CDC73: variants seen among roughly 807,000 people sequenced by gnomAD.
CDC73 encodes cell division cycle 73.
CDC73 carries 21 observed loss-of-function variants against 83.7 expected under a neutral mutation model. That is an observed-to-expected ratio of 0.25 (90% CI 0.18 to 0.36). The LOEUF (loss-of-function observed/expected upper bound fraction) is 0.36, where lower values mean the gene tolerates loss of function less well. Ranked by LOEUF, CDC73 falls within the 10% of genes least tolerant of loss-of-function variation. The pLI is 1.00. For missense variants in CDC73, 342 were observed against 653.3 expected, an observed-to-expected ratio of 0.52 and a Z score of 5.19; for synonymous variants, 224 against 212.9, an observed-to-expected ratio of 1.05 and a Z score of -0.45.
chr1:193,187,548 T>C (rs918357568), intron 10 of CDC73, among the ~76,000 whole-genome samples: 1 of 152,176 alleles, frequency 6.6e-6, no homozygotes. Context: ...TTTTTTGTTG[T>C]AGTAAAAAGC....
intron 3 of CDC73, among the ~76,000 whole-genome samples, chr1:193,131,138 C>G (rs1675686249): frequency 6.6e-6 from 1 of 152,048 alleles, no homozygotes. Flanking sequence ...CAACATGTTT[C>G]CTTGAATGTT....
chr1:193,162,297 T>C (rs1179885545), intron 10 of CDC73, among the ~76,000 whole-genome samples: 1 of 127,516 alleles, frequency 7.8e-6, no homozygotes, highest in African/African-American at 3.1e-5. Context: ...TGATATATTA[T>C]ATATACTATA....
chr1:193,241,493 G>T (rs550796082), intron 15 of CDC73, among the ~76,000 whole-genome samples: 1 of 152,360 alleles, frequency 6.6e-6, no homozygotes, highest in East Asian at 1.9e-4. Context: ...AGTGGCAGTG[G>T]TGAGCCTGGA....
At chr1:193,166,602 TGTAG>T (rs1440804692) in intron 10 of CDC73, among the ~76,000 whole-genome samples, 1 of 152,132 alleles carries the variant, frequency 6.6e-6, no homozygotes, top group Non-Finnish European at 1.5e-5. Context: ...ACGGAAATTA[TGTAG>T]GTGCTTATGT....
chr1:193,139,066 G>T (rs972678489), intron 6 of CDC73, among the ~76,000 whole-genome samples: 1 of 151,930 alleles, frequency 6.6e-6, no homozygotes, highest in African/African-American at 2.4e-5. Flanking sequence ...GAGCCACCGC[G>T]CCTGGCTGAA....
chr1:193,228,678 T>A lies in CDC73; in HGVS notation c.1155-4315T>A, dbSNP rs1162751507. ...CACCATACACAAACATTTTTTAAGGTAGATTGTACACACAAACTTAAAAGC... is the reference window on the plus strand; with the variant it reads ...CACCATACACAAACATTTTTTAAGGAAGATTGTACACACAAACTTAAAAGC... On this transcript the variant is annotated intron_variant, in intron 13 of 16. Transcript: ENST00000367435. Among the ~76,000 whole-genome samples the A allele has an allele frequency of 2.0e-5, 3 of 152,156 alleles. No individual in the cohort carries two copies. The East Asian group carries it at 5.8e-4, about 29-fold the overall frequency.
intron 15 of CDC73, among the ~76,000 whole-genome samples, chr1:193,244,728 A>G (rs1000442871): frequency 6.6e-6 from 1 of 152,108 alleles, no homozygotes; most frequent in African/African-American, 2.4e-5. Context: ...TGTTTTTTCA[A>G]TTACCTGCTT....
intron 10 of CDC73, among the ~76,000 whole-genome samples, chr1:193,158,487 C>A (rs1253863122): frequency 7.2e-6 from 1 of 138,386 alleles, no homozygotes; most frequent in Non-Finnish European, 1.6e-5. Context: ...AGCAGCGAGA[C>A]CCTGTCTCTA....
chr1:193,238,738 TAAAG>T (rs1469949315), intron 15 of CDC73, among the ~76,000 whole-genome samples: 7 of 152,150 alleles, frequency 4.6e-5, no homozygotes, highest in Admixed American at 1.3e-4. Flanking sequence ...ATTCTTATGA[TAAAG>T]TAAGTAGAGA....
At chr1:193,199,838 A>T (rs373019322) in intron 10 of CDC73, among the ~76,000 whole-genome samples, 66 of 152,248 alleles carry the variant, frequency 4.3e-4, no homozygotes, top group African/African-American at 1.5e-3. Flanking sequence ...GGGTATGACT[A>T]TTATTTAAAT....
rs1425016725 is a variant in CDC73 at position 193,152,406 on chromosome 1, A to G, written c.934A>G (p.Met312Val). The G allele has an allele frequency of 6.2e-7, 1 of 1,611,842 alleles. No individual in the cohort carries two copies. The highest frequency in any genetic ancestry group is 1.1e-5 in the South Asian group (1 of 91,018). Reference sequence around the variant, plus strand: ...AACGGAAGGCTTCAAAATTGACACTATGGGAACCTACCATGGTATGACACT... The same window carrying G: ...AACGGAAGGCTTCAAAATTGACACTGTGGGAACCTACCATGGTATGACACT... ...EETEGFKIDT[M>V]GTYHGMTLKS... The change falls in exon 10 of 17, where the codon ATG becomes GTG. Residue 312 changes from methionine (M) to valine (V), a missense_variant. By Grantham distance (21) the Met-to-Val change is conservative. This residue lies in a region of CDC73 where 239 missense variants were observed against 420.6 expected (regional missense o/e 0.57). Transcript: ENST00000367435.
At chr1:193,200,810 C>T (rs1677079865) in intron 10 of CDC73, among the ~76,000 whole-genome samples, 2 of 151,980 alleles carry the variant, frequency 1.3e-5, no homozygotes, top group Admixed American at 1.3e-4. Context: ...AATGACTTCA[C>T]CTTTGTCTCT....
At chr1:193,175,682 A>G (rs1220412332) in intron 10 of CDC73, among the ~76,000 whole-genome samples, 1 of 152,240 alleles carries the variant, frequency 6.6e-6, no homozygotes, top group African/African-American at 2.4e-5. Flanking sequence ...ATCATAAGTA[A>G]TCTAGAGATT....
At position 193,254,046 on chromosome 1, in the gene CDC73, C is replaced by T. The variant is rs1242297899; in HGVS notation, c.*3334C>T. 2 of 223,538 alleles carry T rather than the reference C, an allele frequency of 8.9e-6. No homozygotes were observed. The highest frequency in any genetic ancestry group is 2.2e-5 in the African/African-American group (1 of 44,800). The allele number at this position is 223,538 out of a possible 1,614,324, so 13.8% of individuals were successfully genotyped here. A position where few individuals can be genotyped will look rare whatever the true frequency, so the allele number is the denominator to read the frequency against. ...TTATAAAAGCTAGTCAAATTAATGGCTTAGAAAGTAGCTGTAAACTTTGTG... is the reference window on the plus strand; with the variant it reads ...TTATAAAAGCTAGTCAAATTAATGGTTTAGAAAGTAGCTGTAAACTTTGTG... On this transcript the variant is annotated 3_prime_UTR_variant, in exon 17 of 17. Coordinates refer to ENST00000367435, the MANE Select transcript of CDC73 (RefSeq NM_024529.5).
chr1:193,198,455 C>T (rs1414542190), intron 10 of CDC73, among the ~76,000 whole-genome samples: 1 of 152,210 alleles, frequency 6.6e-6, no homozygotes, highest in African/African-American at 2.4e-5. Context: ...CTGTCTGTCC[C>T]CTCCAGAGGA....
chr1:193,162,555 G>T (rs1006043259), intron 10 of CDC73, among the ~76,000 whole-genome samples: 1 of 151,384 alleles, frequency 6.6e-6, no homozygotes, highest in Admixed American at 6.6e-5. Context: ...TGTATTTTTA[G>T]TAGAGATTTC....
chr1:193,152,311 T>C (rs1016946183), intron 9 of CDC73, 69 bp from the exon 10 acceptor site: 3 of 955,532 alleles, frequency 3.1e-6, no homozygotes, highest in African/African-American at 3.2e-5. Flanking sequence ...ATTATTACTT[T>C]AGATTTGTTA....
chr1:193,181,625 A>G lies in CDC73; in HGVS notation c.973-22170A>G, dbSNP rs552103345. ...GACCAAAAATGTTTTCTTCTCCTTA[A>G]TACTATTCTTTGGCAATCATTTTCT... On this transcript the variant is annotated intron_variant, in intron 10 of 16. Transcript: ENST00000367435. 411 of 1,378,100 alleles carry G rather than the reference A, an allele frequency of 3.0e-4. 3 individuals are homozygous for G. Among genetic ancestry groups the G allele is most frequent in the Admixed American group, 2.4e-3 (102 of 42,996 alleles). The allele number at this position is 1,378,100 out of a possible 1,614,324, so 85.4% of individuals were successfully genotyped here.
At chr1:193,203,329 T>G (rs529571696) in intron 10 of CDC73, among the ~76,000 whole-genome samples, 16 of 152,300 alleles carry the variant, frequency 1.1e-4, no homozygotes, top group Admixed American at 8.5e-4. Context: ...AGGCATTTAA[T>G]TATTTGAAAT....
Sources: allele counts gnomAD v4.1 joint callset (sites outside exome capture counted in the v4.1 genomes callset), GRCh38; gene constraint gnomAD v4.1.1; regional missense constraint gnomAD v4.1.1; transcripts MANE v1.5; gene names NCBI Gene and HGNC (gene_info 2026-07-23, HGNC 2026-07-21).